Variants in SLC1A5 observed in about 807,000 individuals in gnomAD.
The protein encoded by SLC1A5 is solute carrier family 1 member 5.
In SLC1A5, 25 loss-of-function variants were observed where a neutral mutation model predicts 34.9. That is an observed-to-expected ratio of 0.72 (90% confidence interval 0.52 to 1.00). The LOEUF (loss-of-function observed/expected upper bound fraction) is 1.00. SLC1A5 is among the 50% of genes least tolerant of loss of function. SLC1A5 has a pLI of 0.00. For missense variants in SLC1A5, 637 were observed against 740.0 expected, an observed-to-expected ratio of 0.86 and a Z score of 1.61; for synonymous variants, 351 against 341.2, an observed-to-expected ratio of 1.03 and a Z score of -0.32.
At chr19:46,784,188 GC>G in intron 2 of SLC1A5, 44 bp from the exon 3 acceptor site, 1 of 1,430,094 alleles carries the variant, frequency 7.0e-7, no homozygotes, top group Non-Finnish European at 9.8e-7. Context: ...CGTTACCAGG[GC>G]CTCCCAACCC....
Position 46,778,661 on chromosome 19 carries a change from C to CCCCCAAGCCCTACCAGGGAGAGGTG in SLC1A5, c.1058+13_1058+14insCACCTCTCCCTGGTAGGGCTTGGGG. ...GGATTAAACATCCCACCCTAGCCCACCCCAAGGCCGTACCTGGAAGAGGTC... is the reference window on the plus strand; with the variant it reads ...GGATTAAACATCCCACCCTAGCCCACCCCCAAGCCCTACCAGGGAGAGGTGCCCAAGGCCGTACCTGGAAGAGGTC... On this transcript the variant is annotated intron_variant, in intron 5 of 7. Coordinates refer to ENST00000542575, the MANE Select transcript of SLC1A5 (RefSeq NM_005628.3). 1 of 1,439,086 alleles carries CCCCCAAGCCCTACCAGGGAGAGGTG rather than the reference C, an allele frequency of 6.9e-7. No homozygotes were observed. The highest frequency in any genetic ancestry group is 9.7e-7 in the Non-Finnish European group (1 of 1,028,322). 89.1% of individuals were successfully genotyped at this position (1,439,086 alleles called of 1,614,324 possible).
At position 46,787,261 on chromosome 19, in the gene SLC1A5, C is replaced by T; in HGVS notation, c.566+139G>A. On this transcript the variant is annotated intron_variant, in intron 1 of 7. Coordinates refer to ENST00000542575, the MANE Select transcript of SLC1A5 (RefSeq NM_005628.3). The surrounding 1 kb of genome is among the most constrained non-coding windows in gnomAD (Gnocchi z 5.2). ...CACACTCCCGAGGGCTGGAGCCTCC[C>T]CTCAATATCCTGTCGAGTTTTCCTA... is the stretch of plus-strand genomic sequence containing the variant. 2 of 1,452,414 alleles carry T rather than the reference C, an allele frequency of 1.4e-6. No individual in the cohort carries two copies. Among genetic ancestry groups the T allele is most frequent in the Non-Finnish European group, 1.8e-6 (2 of 1,102,402 alleles). 90.0% of individuals were successfully genotyped at this position (1,452,414 alleles called of 1,614,324 possible).
Position 46,775,639 on chromosome 19 carries a change from T to C in SLC1A5, c.1497A>G (p.Ile499Met). 6.2e-7 allele frequency: 1 copy of C among 1,614,124 alleles called. No homozygotes were observed. Among genetic ancestry groups the C allele is most frequent in the Non-Finnish European group, 8.5e-7 (1 of 1,180,024 alleles). ...CCAGGGGCAGCTCACTCTTCACTTGTATCAACTCAGGCTCTGTGCTTCTCG... is the reference window on the plus strand; with the variant it reads ...CCAGGGGCAGCTCACTCTTCACTTGCATCAACTCAGGCTCTGTGCTTCTCG... Reference protein sequence around the residue: ...TESRSTEPELIQVKSELPLDP... With the variant: ...TESRSTEPELMQVKSELPLDP... The change falls in exon 8 of 8, where the codon ATA (isoleucine) becomes ATG (methionine). Residue 499 changes from isoleucine (I) to methionine (M), a missense_variant. Physicochemically the swap from Ile to Met is conservative, Grantham distance 10 (BLOSUM62 1). Coordinates refer to ENST00000542575, the MANE Select transcript of SLC1A5 (RefSeq NM_005628.3).
chr19:46,784,892 A>G, intron 1 of SLC1A5: 1 of 1,312,840 alleles, frequency 7.6e-7, no homozygotes, highest in Non-Finnish European at 9.7e-7. Flanking sequence ...CAAACTTAAT[A>G]CCCTGGACAG....
At position 46,787,170 on chromosome 19, in the gene SLC1A5, C is replaced by CT; in HGVS notation, c.566+229dup. The stretch of plus-strand genomic sequence containing the variant: ...CTCCCCAAATCACTTTCTTCTCCCT[C>CT]TATAAGACCCCACTTATGTACCCAG... On this transcript the variant is annotated intron_variant, in intron 1 of 7. Transcript: ENST00000542575. The surrounding 1 kb of genome is among the most constrained non-coding windows in gnomAD (Gnocchi z 5.2). The CT allele has an allele frequency of 5.4e-6, 7 of 1,299,896 alleles. No individual in the cohort carries two copies. Among genetic ancestry groups the CT allele is most frequent in the Non-Finnish European group, 7.0e-6 (7 of 994,812 alleles). The allele number at this position is 1,299,896 out of a possible 1,614,324, so 80.5% of individuals were successfully genotyped here.
At chr19:46,782,360 C>CCCCCCCA in intron 4 of SLC1A5, 23 bp downstream of exon 4, 1 of 1,332,698 alleles carries the variant, frequency 7.5e-7, no homozygotes, top group Non-Finnish European at 1.1e-6. Flanking sequence ...CACCCACCCC[C>CCCCCCCA]AGCCTCCTCT....
rs2055098658 is a variant in SLC1A5, at chr19:46,777,243, C to T, written c.1221G>A (p.Gln407=). 1.2e-6 allele frequency: 2 copies of T among 1,609,184 alleles called. No individual in the cohort carries two copies. Among genetic ancestry groups the T allele is most frequent in the South Asian group, 2.2e-5 (2 of 90,596 alleles). ...AAVFIAQLSQ[Q]SLDFVKIITI... is the part of the protein sequence containing the mutation. ...TGATGATCTTTACGAAGTCCAAGGA[C>T]TGCTGGCTGAGCTGTGCAATGAACA... Residue 407 remains glutamine, a synonymous_variant, in exon 6 of 8, where the codon CAG becomes CAA. Coordinates refer to ENST00000542575, the MANE Select transcript of SLC1A5 (RefSeq NM_005628.3).
Position 46,782,365 on chromosome 19 carries a change from T to TCC in SLC1A5, c.824+16_824+17dup. 1 of 307,046 alleles carries TCC rather than the reference T, an allele frequency of 3.3e-6. No homozygotes were observed. The highest frequency in any genetic ancestry group is 5.0e-6 in the Non-Finnish European group (1 of 198,726). 19.0% of individuals were successfully genotyped at this position (307,046 alleles called of 1,614,324 possible). A position where few individuals can be genotyped will look rare whatever the true frequency, so the allele number is the denominator to read the frequency against. On this transcript the variant is annotated intron_variant, in intron 4 of 7. Transcript: ENST00000542575. ...CCTCCAACCCCACCCACCCCCAGCC[T>TCC]CCTCTCCCACCACCTACCACATGAT...
At position 46,778,710 on chromosome 19, in the gene SLC1A5, C is replaced by T; in HGVS notation, c.1023G>A (p.Val341=). Residue 341 remains valine (V), a synonymous_variant, in exon 5 of 8, where the codon GTG becomes GTA. Transcript: ENST00000542575. ...TCCCAAAGGCAGTGGCCAGCGGCGT[C>T]ACGATGCCCCACAGGAAGCGGTAGG... ...KNPYRFLWGI[V]TPLATAFGTS... is the part of the protein sequence containing the mutation. 2 of 1,557,372 alleles carry T rather than the reference C, an allele frequency of 1.3e-6. No homozygotes were observed. Among genetic ancestry groups the T allele is most frequent in the Non-Finnish European group, 1.7e-6 (2 of 1,147,788 alleles).
At chr19:46,778,653 C>CA in intron 5 of SLC1A5, 22 bp downstream of exon 5, 25 of 1,152,528 alleles carry the variant, frequency 2.2e-5, no homozygotes, top group Admixed American at 3.7e-5. Flanking sequence ...ACATCCCACC[C>CA]TAGCCCACCC....
At position 46,777,036 on chromosome 19, in the gene SLC1A5, G is replaced by A. The variant is rs760403808; in HGVS notation, c.1327C>T (p.Leu443Phe). The part of the protein sequence containing the change: ...AGGVLTLAII[L>F]EAVNLPVDHI... Reference sequence around the variant, plus strand: ...TCGACCGGGAGGTTGACTGCTTCGAGGATGATGGCCAGAGTGAGGACACCT... The same window carrying A: ...TCGACCGGGAGGTTGACTGCTTCGAAGATGATGGCCAGAGTGAGGACACCT... Residue 443 changes from leucine (L) to phenylalanine (F), a missense_variant, in exon 7 of 8, where the codon CTC becomes TTC. Leu to Phe is a conservative substitution (Grantham distance 22). Transcript: ENST00000542575. 3.1e-6 allele frequency: 5 copies of A among 1,613,914 alleles called. No individual in the cohort carries two copies. The highest frequency in any genetic ancestry group is 4.2e-6 in the Non-Finnish European group (5 of 1,180,016).
rs1271341195 is a variant in SLC1A5 at position 46,785,085 on chromosome 19, AAAATAGTAGCT to A, written c.567-537_567-527del. ...GTGTGACAGTGTCTGCCTTAAGATG[AAAATAGTAGCT>A]AAGGCCAAGGCGCCATGGCTCTTGC... is the stretch of plus-strand genomic sequence containing the variant. On this transcript the variant is annotated intron_variant, in intron 1 of 7. Coordinates refer to ENST00000542575, the MANE Select transcript of SLC1A5 (RefSeq NM_005628.3). 3.9e-5 allele frequency among the ~76,000 whole-genome samples: 6 copies of A among 152,288 alleles called. No homozygotes were observed. The East Asian group carries it at 1.2e-3, about 29-fold the overall frequency.
At chr19:46,782,241 T>C (rs901384502) in intron 4 of SLC1A5, 142 bp downstream of exon 4, 8 of 655,498 alleles carry the variant, frequency 1.2e-5, no homozygotes, top group Non-Finnish European at 2.1e-5. Flanking sequence ...GAATGGTCAA[T>C]GCTGGATTTA....
chr19:46,786,871 T>C (rs1287309195), intron 1 of SLC1A5, among the ~76,000 whole-genome samples: 1 of 151,978 alleles, frequency 6.6e-6, no homozygotes, highest in Non-Finnish European at 1.5e-5. Flanking sequence ...CCAGCTGAAA[T>C]GGGCGGGAAG....
chr19:46,782,360 C>CCCCCCCCCCCCCCCCCCCCCCCCCCCA, intron 4 of SLC1A5, 23 bp downstream of exon 4: 1 of 1,332,702 alleles, frequency 7.5e-7, no homozygotes, highest in Non-Finnish European at 1.1e-6. Flanking sequence ...CACCCACCCC[C>CCCCCCCCCCCCCCCCCCCCCCCCCCCA]AGCCTCCTCT....
In SLC1A5 at chr19:46,775,122, C is replaced by T. The variant is rs760442190; in HGVS notation, c.*388G>A. The T allele has an allele frequency of 7.7e-6, 8 of 1,034,346 alleles. No individual in the cohort carries two copies. Among genetic ancestry groups the T allele is most frequent in the South Asian group, 3.7e-5 (1 of 27,060 alleles). The allele number at this position is 1,034,346 out of a possible 1,614,324, so 64.1% of individuals were successfully genotyped here. ...ACACACATCCCCCCACAACTACAGCCGCCAAAATAACCAGCATGGTGTTGT... is the reference window on the plus strand; with the variant it reads ...ACACACATCCCCCCACAACTACAGCTGCCAAAATAACCAGCATGGTGTTGT... On this transcript the variant is annotated 3_prime_UTR_variant, in exon 8 of 8. Coordinates refer to ENST00000542575, the MANE Select transcript of SLC1A5 (RefSeq NM_005628.3).
chr19:46,775,750 A>G lies in SLC1A5; in HGVS notation c.1389-3T>C, dbSNP rs769007899. On this transcript the variant is annotated splice_region_variant and splice_polypyrimidine_tract_variant and intron_variant, in intron 7 of 7. Transcript: ENST00000542575. Reference sequence around the variant, plus strand: ...TGAGGACGGTACAGGACCGGTCGCTAAAGGGGTAGAAATGACAGCAAAGTA... The same window carrying G: ...TGAGGACGGTACAGGACCGGTCGCTGAAGGGGTAGAAATGACAGCAAAGTA... 2 of 1,610,646 alleles carry G rather than the reference A, an allele frequency of 1.2e-6. No homozygotes were observed. The highest frequency in any genetic ancestry group is 2.2e-5 in the South Asian group (2 of 90,934).
intron 1 of SLC1A5, among the ~76,000 whole-genome samples, chr19:46,786,463 A>C (rs915911169): frequency 1.3e-5 from 2 of 152,128 alleles, no homozygotes; most frequent in South Asian, 4.1e-4. Flanking sequence ...AATCTCCCCC[A>C]GCCAGAAGGT....
chr19:46,782,879 A>G (rs1409156892), intron 3 of SLC1A5, among the ~76,000 whole-genome samples: 1 of 152,134 alleles, frequency 6.6e-6, no homozygotes, highest in East Asian at 1.9e-4. Context: ...TGAACCAGGT[A>G]AAGAAGGGTG....
Sources: allele counts gnomAD v4.1 joint callset (sites outside exome capture counted in the v4.1 genomes callset), GRCh38; gene constraint gnomAD v4.1.1; non-coding constraint Gnocchi (gnomAD v3.1); transcripts MANE v1.5; gene names NCBI Gene and HGNC (gene_info 2026-07-23, HGNC 2026-07-21).